CEP112: variants seen among roughly 807,000 people sequenced by gnomAD.
CEP112 encodes the protein centrosomal protein 112, also known as centrosomal protein of 112 kDa.
CEP112 carries 127 observed loss-of-function variants against 153.0 expected under a neutral mutation model. The observed-to-expected ratio is 0.83, with a 90% confidence interval of 0.72 to 0.96. CEP112 has a LOEUF of 0.96. Ranked by LOEUF, CEP112 falls within the 40% of genes least tolerant of loss-of-function variation. The pLI is 0.00. For synonymous variants in CEP112, 358 were observed against 374.4 expected, an observed-to-expected ratio of 0.96 and a Z score of 0.51; for missense variants, 1,089 against 1,101.2, an observed-to-expected ratio of 0.99 and a Z score of 0.16.
rs2146637143 is a variant in CEP112 at position 65,883,863 on chromosome 17, G to A, written c.2163+18289C>T. On this transcript the variant is annotated intron_variant, in intron 20 of 26. Transcript: ENST00000535342. ...GGCAGTGAATAAAGTGAATGGATTG[G>A]AGATCAATTTGGGGGACTGAATCTA... is the stretch of plus-strand genomic sequence containing the variant. Among the ~76,000 whole-genome samples the A allele has an allele frequency of 2.6e-5, 4 of 152,318 alleles. No individual in the cohort carries two copies. The South Asian group carries it at 8.3e-4, about 32-fold the overall frequency.
chr17:66,150,446 G>A (rs988917265), intron 4 of CEP112, among the ~76,000 whole-genome samples: 5 of 151,646 alleles, frequency 3.3e-5, no homozygotes, highest in Admixed American at 6.6e-5. Context: ...GGCGAGGCTG[G>A]TCTTGAACTC....
chr17:66,152,752 T>C (rs1361865601), intron 4 of CEP112, among the ~76,000 whole-genome samples: 2 of 152,110 alleles, frequency 1.3e-5, no homozygotes, highest in Non-Finnish European at 2.9e-5. Context: ...CTAAGAAAAT[T>C]CCACTACTTG....
intron 19 of CEP112, among the ~76,000 whole-genome samples, chr17:65,922,874 T>C (rs1174371111): frequency 6.6e-6 from 1 of 152,178 alleles, no homozygotes; most frequent in Non-Finnish European, 1.5e-5. Context: ...TATTTTTATT[T>C]ACATTTGATT....
At chr17:65,689,265 G>T in intron 23 of CEP112, 47 bp from the exon 24 acceptor site, 1 of 1,371,036 alleles carries the variant, frequency 7.3e-7, no homozygotes, top group Non-Finnish European at 1.0e-6. Flanking sequence ...AGCACACTTG[G>T]AAAAATAGTT....
chr17:66,180,484 T>C (rs1210893007), intron 2 of CEP112, among the ~76,000 whole-genome samples: 1 of 152,114 alleles, frequency 6.6e-6, no homozygotes, highest in Non-Finnish European at 1.5e-5. Flanking sequence ...ATCTAAGCAT[T>C]TTCAACTTAC....
intron 12 of CEP112, among the ~76,000 whole-genome samples, chr17:66,038,551 T>C (rs541214182): frequency 3.9e-5 from 6 of 152,288 alleles, no homozygotes; most frequent in Admixed American, 3.9e-4. Flanking sequence ...AGTGGAGTTC[T>C]TAAAATGGAG....
At chr17:65,956,554 A>G (rs1445198315) in intron 18 of CEP112, among the ~76,000 whole-genome samples, 1 of 152,050 alleles carries the variant, frequency 6.6e-6, no homozygotes, top group Non-Finnish European at 1.5e-5. Flanking sequence ...GTTCTTACTC[A>G]TAAGTGGGAG....
chr17:66,023,278 A>G (rs2065073115), intron 16 of CEP112, among the ~76,000 whole-genome samples: 2 of 152,192 alleles, frequency 1.3e-5, no homozygotes, highest in Admixed American at 1.3e-4. Context: ...GATGTTGTCT[A>G]AAGTCAACAT....
chr17:65,924,266 G>A (rs909378695), intron 19 of CEP112, among the ~76,000 whole-genome samples: 1 of 152,200 alleles, frequency 6.6e-6, no homozygotes, highest in South Asian at 2.1e-4. Context: ...ATGAGCCACC[G>A]TGCCCGGCCA....
intron 12 of CEP112, among the ~76,000 whole-genome samples, chr17:66,043,675 C>T (rs2066079459): frequency 6.6e-6 from 1 of 152,134 alleles, no homozygotes; most frequent in Non-Finnish European, 1.5e-5. Flanking sequence ...AGCAAGGAAG[C>T]TATAATTTTT....
chr17:65,984,208 A>G (rs1478481408), intron 17 of CEP112, among the ~76,000 whole-genome samples: 1 of 151,892 alleles, frequency 6.6e-6, no homozygotes, highest in Non-Finnish European at 1.5e-5. Flanking sequence ...CTTATTATTG[A>G]TTTCTAATTT....
At chr17:65,829,723 G>T (rs1479398110) in intron 21 of CEP112, among the ~76,000 whole-genome samples, 1 of 151,982 alleles carries the variant, frequency 6.6e-6, no homozygotes, top group African/African-American at 2.4e-5. Context: ...AATATATATA[G>T]TGACTACAAT....
intron 5 of CEP112, among the ~76,000 whole-genome samples, chr17:66,130,514 A>G (rs548441652): frequency 2.4e-4 from 36 of 152,150 alleles, no homozygotes; most frequent in Middle Eastern, 6.8e-3. Flanking sequence ...AGTGGCTCAC[A>G]CCTGTAATCC....
chr17:65,777,892 C>T (rs771212264), intron 21 of CEP112, among the ~76,000 whole-genome samples: 2 of 152,166 alleles, frequency 1.3e-5, no homozygotes, highest in Admixed American at 6.5e-5. Context: ...TTCTGCCCCA[C>T]CAATAGGCTT....
At chr17:66,162,218 T>C (rs1272375378) in intron 4 of CEP112, among the ~76,000 whole-genome samples, 1 of 152,154 alleles carries the variant, frequency 6.6e-6, no homozygotes. Flanking sequence ...AAATCATCGA[T>C]AAACATTAAA....
intron 21 of CEP112, among the ~76,000 whole-genome samples, chr17:65,835,399 C>T (rs1005293747): frequency 1.3e-5 from 2 of 152,104 alleles, no homozygotes; most frequent in African/African-American, 4.8e-5. Flanking sequence ...CCCCAAGGCA[C>T]ACACTAATCA....
intron 23 of CEP112, among the ~76,000 whole-genome samples, chr17:65,702,533 A>G (rs2048694915): frequency 6.6e-6 from 1 of 152,242 alleles, no homozygotes; most frequent in African/African-American, 2.4e-5. Flanking sequence ...GGAAAGAAAG[A>G]GAGAGAAAGA....
At chr17:66,130,330 G>C (rs1001431527) in intron 5 of CEP112, among the ~76,000 whole-genome samples, 6 of 152,038 alleles carry the variant, frequency 3.9e-5, no homozygotes, top group Non-Finnish European at 8.8e-5. Flanking sequence ...GTATTGTCGG[G>C]GGCAGGGGCG....
intron 23 of CEP112, among the ~76,000 whole-genome samples, chr17:65,696,598 G>C (rs1179253086): frequency 6.6e-6 from 1 of 152,158 alleles, no homozygotes; most frequent in East Asian, 1.9e-4. Flanking sequence ...AACGCAGAAA[G>C]GGGACTTGCG....
Sources: allele counts gnomAD v4.1 joint callset (sites outside exome capture counted in the v4.1 genomes callset), GRCh38; gene constraint gnomAD v4.1.1; transcripts MANE v1.5; gene names NCBI Gene and HGNC (gene_info 2026-07-23, HGNC 2026-07-21).